CPED1: variants seen among roughly 807,000 people sequenced by gnomAD.
CPED1 encodes cadherin-like and PC-esterase domain-containing protein 1.
Under a neutral mutation model 128.2 loss-of-function variants are expected in CPED1, and 114 were observed. That is an observed-to-expected ratio of 0.89 (90% CI 0.76 to 1.04). The LOEUF is 1.04. Ranked by LOEUF, CPED1 falls within the 50% of genes least tolerant of loss-of-function variation. The probability of loss-of-function intolerance (pLI) is 0.00; values close to 1 mark genes in which losing one functional copy is unlikely to be tolerated. For missense variants in CPED1, 1,211 were observed against 1,207.1 expected (o/e 1.00, Z -0.05); for synonymous variants, 462 against 426.7 (o/e 1.08, Z -1.02).
rs538124061 is a variant in CPED1 at position 121,235,522 on chromosome 7, T to C, written c.2056-1192T>C. 2.0e-5 allele frequency among the ~76,000 whole-genome samples: 3 copies of C among 152,222 alleles called. No individual in the cohort carries two copies. In the South Asian group the frequency reaches 6.2e-4, roughly 32 times the overall value. Reference sequence around the variant, plus strand: ...GAGAATGTAACCACAAATTGCTGATTAGAACCAGAGTTACACAGCAAAGAA... The same window carrying C: ...GAGAATGTAACCACAAATTGCTGATCAGAACCAGAGTTACACAGCAAAGAA... On this transcript the variant is annotated intron_variant, in intron 16 of 22. Coordinates refer to ENST00000310396, the MANE Select transcript of CPED1 (RefSeq NM_024913.5).
intron 7 of CPED1, among the ~76,000 whole-genome samples, chr7:121,103,695 G>A (rs1056756688): frequency 5.3e-5 from 8 of 152,000 alleles, no homozygotes; most frequent in East Asian, 1.9e-4. Flanking sequence ...GTATGTGCAC[G>A]TGTGTGTGTA....
intron 22 of CPED1, among the ~76,000 whole-genome samples, chr7:121,287,275 A>G (rs565149494): frequency 4.2e-4 from 63 of 151,768 alleles, no homozygotes; most frequent in Admixed American, 7.2e-4. Flanking sequence ...AGACACAGAC[A>G]CAGACACACA....
intron 16 of CPED1, among the ~76,000 whole-genome samples, chr7:121,197,495 T>A (rs926563592): frequency 6.6e-6 from 1 of 152,160 alleles, no homozygotes; most frequent in African/African-American, 2.4e-5. Context: ...CCTATGATTA[T>A]CCTTCTTTTC....
At chr7:121,201,703 G>A (rs999399211) in intron 16 of CPED1, among the ~76,000 whole-genome samples, 3 of 152,016 alleles carry the variant, frequency 2.0e-5, no homozygotes, top group Non-Finnish European at 4.4e-5. Context: ...TATAAATACA[G>A]CCCTTCACAG....
At chr7:121,093,833 G>T (rs1037028195) in intron 5 of CPED1, among the ~76,000 whole-genome samples, 3 of 152,066 alleles carry the variant, frequency 2.0e-5, no homozygotes, top group African/African-American at 4.8e-5. Context: ...GCCCTGGGGA[G>T]CTCCTCTACC....
chr7:121,175,270 AG>A (rs1270923213), intron 16 of CPED1, among the ~76,000 whole-genome samples: 1 of 152,096 alleles, frequency 6.6e-6, no homozygotes, highest in Non-Finnish European at 1.5e-5. Flanking sequence ...AGAAGTAGTG[AG>A]AGGGCATCCT....
At chr7:121,115,943 C>G (rs530344549) in intron 7 of CPED1, among the ~76,000 whole-genome samples, 1 of 152,186 alleles carries the variant, frequency 6.6e-6, no homozygotes, top group South Asian at 2.1e-4. Context: ...CCTTTATATC[C>G]CACTGAGAAA....
Position 121,267,214 on chromosome 7 carries a change from G to C in CPED1, c.2634-1G>C, listed in dbSNP as rs1226717152. 1 of 1,533,838 alleles carries C rather than the reference G, an allele frequency of 6.5e-7. No homozygotes were observed. Among genetic ancestry groups the C allele is most frequent in the African/African-American group, 1.4e-5 (1 of 72,986 alleles). ...TTTAGAATTATAATTATCTCATTCA[G>C]GGAAAATTTACTCAATATCCTAGTG... On this transcript the variant is annotated splice_acceptor_variant, in intron 20 of 22. Transcript: ENST00000310396. LOFTEE classifies it high-confidence loss of function.
chr7:121,273,348 C>T (rs970928896), intron 22 of CPED1, among the ~76,000 whole-genome samples: 3 of 151,788 alleles, frequency 2.0e-5, no homozygotes, highest in African/African-American at 7.3e-5. Flanking sequence ...ATGGTGAAAC[C>T]CCGTCTCTAC....
At chr7:121,210,060 G>A (rs553474407) in intron 16 of CPED1, among the ~76,000 whole-genome samples, 3 of 152,014 alleles carry the variant, frequency 2.0e-5, no homozygotes, top group African/African-American at 4.8e-5. Context: ...ATGAAAAGGT[G>A]CTCAACATCA....
rs1242020016 is a variant in CPED1 at position 121,296,322 on chromosome 7, T to C, written c.*670T>C. On this transcript the variant is annotated 3_prime_UTR_variant, in exon 23 of 23. Transcript: ENST00000310396. The stretch of plus-strand genomic sequence containing the variant: ...AACTTTACACTTCTTGTGTTTTTCA[T>C]AAACATTCCCTCTTGTCTTATCTGT... 1 of 152,218 alleles carries C rather than the reference T, an allele frequency of 6.6e-6. No individual in the cohort carries two copies. Among genetic ancestry groups the C allele is most frequent in the Non-Finnish European group, 1.5e-5 (1 of 68,030 alleles). 9.4% of individuals were successfully genotyped at this position (152,218 alleles called of 1,614,324 possible).
At chr7:120,998,821 T>A (rs1796453520) in intron 2 of CPED1, among the ~76,000 whole-genome samples, 1 of 152,078 alleles carries the variant, frequency 6.6e-6, no homozygotes, top group Non-Finnish European at 1.5e-5. Context: ...ATCCTTTTTT[T>A]TTTTTTTAAA....
chr7:121,246,955 C>T (rs974612826), intron 18 of CPED1, among the ~76,000 whole-genome samples: 3 of 152,226 alleles, frequency 2.0e-5, no homozygotes, highest in African/African-American at 4.8e-5. Flanking sequence ...TGCCAACACA[C>T]TGCCAATAGG....
At chr7:121,241,718 A>G (rs909890966) in intron 17 of CPED1, among the ~76,000 whole-genome samples, 1 of 152,024 alleles carries the variant, frequency 6.6e-6, no homozygotes, top group African/African-American at 2.4e-5. Flanking sequence ...GAAAACTCTG[A>G]CCTCCATGAC....
At chr7:121,234,642 A>G (rs1436756380) in intron 16 of CPED1, among the ~76,000 whole-genome samples, 1 of 151,870 alleles carries the variant, frequency 6.6e-6, no homozygotes, top group Non-Finnish European at 1.5e-5. Flanking sequence ...ATAGAGCTAA[A>G]GCCTCCTTGA....
chr7:121,291,522 T>C (rs1167198681), intron 22 of CPED1, among the ~76,000 whole-genome samples: 1 of 152,214 alleles, frequency 6.6e-6, no homozygotes, highest in Non-Finnish European at 1.5e-5. Flanking sequence ...TCATATCCCT[T>C]GTAAGTTGGA....
chr7:121,172,462 C>T (rs1448089231), intron 16 of CPED1, among the ~76,000 whole-genome samples: 1 of 151,564 alleles, frequency 6.6e-6, no homozygotes, highest in Non-Finnish European at 1.5e-5. Flanking sequence ...TCACATGACA[C>T]TTAAAGATTA....
intron 16 of CPED1, among the ~76,000 whole-genome samples, chr7:121,226,264 G>T (rs1325080379): frequency 6.6e-6 from 1 of 152,002 alleles, no homozygotes; most frequent in Non-Finnish European, 1.5e-5. Flanking sequence ...GTTGGAGTTT[G>T]CTAGAAGTCC....
In CPED1 at chr7:121,295,901, T is replaced by A; in HGVS notation, c.*249T>A. The A allele has an allele frequency of 8.1e-6, 3 of 368,214 alleles. No individual in the cohort carries two copies. In the South Asian group the frequency reaches 1.3e-4, roughly 16 times the overall value. The allele number at this position is 368,214 out of a possible 1,614,324, so 22.8% of individuals were successfully genotyped here. On this transcript the variant is annotated 3_prime_UTR_variant, in exon 23 of 23. Transcript: ENST00000310396. The stretch of plus-strand genomic sequence containing the variant: ...GTGAAAGATATACCTAGAGAAACGT[T>A]ACTTGAAGCATAATTATTAACCAGA...
Sources: gnomAD v4.1 joint callset for allele counts (sites outside exome capture counted in the v4.1 genomes callset) on GRCh38, gnomAD v4.1.1 for gene constraint, MANE v1.5 for transcripts, NCBI Gene and HGNC (gene_info 2026-07-23, HGNC 2026-07-21) for gene names.